The following GLT6D1 variants were observed in gnomAD, a reference collection of about 807,000 sequenced individuals.
The protein encoded by GLT6D1 is glycosyltransferase 6 domain containing 1, also known as putative glycosyltransferase 6 domain-containing protein 1.
A neutral mutation model predicts 12.3 loss-of-function variants in GLT6D1; 9 were observed. That is an observed-to-expected ratio of 0.73 (90% CI 0.44 to 1.27). GLT6D1 has a LOEUF of 1.27. Among genes scored for constraint, GLT6D1 ranks in the 50% most tolerant of loss-of-function variants. The probability of loss-of-function intolerance (pLI) is 0.00; values close to 1 mark genes in which losing one functional copy is unlikely to be tolerated. For synonymous variants in GLT6D1, 128 were observed against 132.3 expected (o/e 0.97, Z 0.23); for missense variants, 335 against 346.2 (o/e 0.97, Z 0.26).
chr9:135,634,746 A>G (rs1031582073), intron 2 of GLT6D1, among the ~76,000 whole-genome samples: 1 of 146,494 alleles, frequency 6.8e-6, no homozygotes, highest in Non-Finnish European at 1.5e-5. Flanking sequence ...AGCATGCCAC[A>G]CTCCACTCAG....
At chr9:135,628,386 T>C (rs1433874596) in intron 3 of GLT6D1, among the ~76,000 whole-genome samples, 7 of 152,170 alleles carry the variant, frequency 4.6e-5, no homozygotes, top group Non-Finnish European at 1.0e-4. Context: ...ATTACATTAA[T>C]TGATTTTCAT....
At chr9:135,628,790 C>T (rs1833573778) in intron 3 of GLT6D1, among the ~76,000 whole-genome samples, 1 of 151,936 alleles carries the variant, frequency 6.6e-6, no homozygotes, top group Admixed American at 6.5e-5. Flanking sequence ...TCCCTTTCTT[C>T]TTTAGTCTTT....
Position 135,626,094 on chromosome 9 carries a change from C to G in GLT6D1, c.232G>C (p.Gly78Arg). 6.2e-7 allele frequency: 1 copy of G among 1,614,104 alleles called. No individual in the cohort carries two copies. Among genetic ancestry groups the G allele is most frequent in the Non-Finnish European group, 8.5e-7 (1 of 1,180,002 alleles). Reference sequence around the variant, plus strand: ...CTGCCAGTAGCAAAGACGGCCAGGCCCACAGTGATATTCCGCCTTCTGTAA... The same window carrying G: ...CTGCCAGTAGCAAAGACGGCCAGGCGCACAGTGATATTCCGCCTTCTGTAA... ...KHYRRRNITV[G>R]LAVFATGRFA... Residue 78 changes from glycine to arginine, a missense_variant, in exon 4 of 5, where the codon GGC (glycine) becomes CGC (arginine). Gly to Arg is a moderately radical substitution (Grantham distance 125). Coordinates refer to ENST00000371763, the MANE Select transcript of GLT6D1 (RefSeq NM_182974.3).
intron 2 of GLT6D1, among the ~76,000 whole-genome samples, chr9:135,638,271 G>C (rs566268847): frequency 6.6e-6 from 1 of 152,198 alleles, no homozygotes; most frequent in Admixed American, 6.5e-5. Context: ...TACCTCCCCC[G>C]GGTCCCTCCC....
In GLT6D1 at chr9:135,633,035, G is replaced by A. The variant is rs567708301; in HGVS notation, c.72-1557C>T. Among the ~76,000 whole-genome samples the A allele has an allele frequency of 7.9e-5, 12 of 152,162 alleles. No individual in the cohort carries two copies. The South Asian group carries it at 1.0e-3, about 13-fold the overall frequency. ...ACCACACACACGTGCACGCACACAC[G>A]CAAGCACACATACACGTGCATTACA... On this transcript the variant is annotated intron_variant, in intron 2 of 4. Transcript: ENST00000371763.
intron 2 of GLT6D1, among the ~76,000 whole-genome samples, chr9:135,635,533 T>C (rs1219090420): frequency 6.6e-6 from 1 of 151,854 alleles, no homozygotes; most frequent in African/African-American, 2.4e-5. Flanking sequence ...AGAAACAAGA[T>C]CTGTTGCTTT....
chr9:135,625,328 A>G (rs1269080493), intron 4 of GLT6D1, among the ~76,000 whole-genome samples: 1 of 152,184 alleles, frequency 6.6e-6, no homozygotes, highest in Admixed American at 6.5e-5. Flanking sequence ...GAAACCCAGC[A>G]CACCTTTTGT....
At position 135,626,150 on chromosome 9, in the gene GLT6D1, C is replaced by T; in HGVS notation, c.176G>A (p.Gly59Glu). The change falls in exon 4 of 5, where the codon GGG becomes GAG. Residue 59 changes from glycine to glutamate, a missense_variant. By Grantham distance (98) the Gly-to-Glu change is moderately conservative. Transcript: ENST00000371763. ...TTCCAGGACCCGCCTGTCGAAAGTC[C>T]CTTCCCATAGGACAGGAGCGAGCCA... ...TDWLAPVLWE[G>E]TFDRRVLEKH... 6.2e-7 allele frequency: 1 copy of T among 1,614,094 alleles called. No homozygotes were observed. The highest frequency in any genetic ancestry group is 2.2e-5 in the East Asian group (1 of 44,878).
At chr9:135,632,837 T>C (rs1833680494) in intron 2 of GLT6D1, among the ~76,000 whole-genome samples, 1 of 152,102 alleles carries the variant, frequency 6.6e-6, no homozygotes. Flanking sequence ...CCAGCTATTT[T>C]TTGTGTTTTT....
chr9:135,630,330 C>T (rs186599885), intron 3 of GLT6D1, among the ~76,000 whole-genome samples: 106 of 147,790 alleles, frequency 7.2e-4, no homozygotes, highest in African/African-American at 2.5e-3. Flanking sequence ...CGTGTGAACC[C>T]AGCAGGCAGA....
In GLT6D1 at chr9:135,626,142, C is replaced by T. The variant is rs371280419; in HGVS notation, c.184G>A (p.Asp62Asn). The change falls in exon 4 of 5, where the codon GAC becomes AAC. Residue 62 changes from aspartate to asparagine, a missense_variant. By Grantham distance (23) the Asp-to-Asn change is conservative. Coordinates refer to ENST00000371763, the MANE Select transcript of GLT6D1 (RefSeq NM_182974.3). ...LAPVLWEGTF[D>N]RRVLEKHYRR... ...TAATGTTTTTCCAGGACCCGCCTGT[C>T]GAAAGTCCCTTCCCATAGGACAGGA... 1.2e-4 allele frequency: 201 copies of T among 1,614,052 alleles called. 2 individuals carry two copies. In the Middle Eastern group the frequency reaches 2.3e-3, roughly 19 times the overall value.
At chr9:135,639,214 A>T in intron 1 of GLT6D1, 21 bp from the exon 2 acceptor site, 1 of 1,349,788 alleles carries the variant, frequency 7.4e-7, no homozygotes, top group African/African-American at 1.4e-5. Context: ...AAGGAGAAAA[A>T]ATTAGATTTT....
In GLT6D1 at chr9:135,624,262, C is replaced by G. The variant is rs777079814; in HGVS notation, c.666G>C (p.Gln222His). The change falls in exon 5 of 5, where the codon CAG becomes CAC. Residue 222 changes from glutamine (Q) to histidine (H), a missense_variant. Transcript: ENST00000371763. ...TCAAGTTGCCATAATAGAAATCTCC[C>G]TGTCCAAACGGGATGCAAGCTGCTG... The part of the protein sequence containing the change: ...PTSAACIPFG[Q>H]GDFYYGNLMV... 3.1e-6 allele frequency: 5 copies of G among 1,604,044 alleles called. No homozygotes were observed. The Admixed American group carries it at 8.6e-5, about 27-fold the overall frequency.
At chr9:135,640,139 G>C (rs905170140), upstream of GLT6D1, among the ~76,000 whole-genome samples, 2 of 152,144 alleles carry the variant, frequency 1.3e-5, no homozygotes, top group African/African-American at 4.8e-5. Context: ...GATAGCCATA[G>C]AGTAGCCACT....
intron 3 of GLT6D1, among the ~76,000 whole-genome samples, chr9:135,628,390 T>G (rs962342905): frequency 1.3e-5 from 2 of 152,136 alleles, no homozygotes; most frequent in African/African-American, 2.4e-5. Context: ...CATTAATTGA[T>G]TTTCATACAT....
At chr9:135,632,749 C>T (rs1480140304) in intron 2 of GLT6D1, among the ~76,000 whole-genome samples, 1 of 151,686 alleles carries the variant, frequency 6.6e-6, no homozygotes, top group African/African-American at 2.4e-5. Context: ...CTCACCGCAA[C>T]CTCCACCTCT....
At chr9:135,635,762 C>T (rs1213145719) in intron 2 of GLT6D1, among the ~76,000 whole-genome samples, 1 of 152,170 alleles carries the variant, frequency 6.6e-6, no homozygotes, top group East Asian at 1.9e-4. Flanking sequence ...TCTTTAAACA[C>T]GTTGACACGT....
intron 2 of GLT6D1, among the ~76,000 whole-genome samples, chr9:135,637,141 C>T (rs562970441): frequency 1.1e-4 from 17 of 151,932 alleles, no homozygotes; most frequent in African/African-American, 4.1e-4. Context: ...CATGAGCCAC[C>T]GTGCCCGGCC....
At chr9:135,639,658 C>T (rs1833851424), upstream of GLT6D1, 1 of 152,848 alleles carries the variant, frequency 6.5e-6, no homozygotes, top group Admixed American at 6.5e-5. Context: ...AAAGGTAGAT[C>T]TTGTAAACGG....
Sources: allele counts gnomAD v4.1 joint callset (sites outside exome capture counted in the v4.1 genomes callset), GRCh38; gene constraint gnomAD v4.1.1; transcripts MANE v1.5; gene names NCBI Gene and HGNC (gene_info 2026-07-23, HGNC 2026-07-21).